DMAC1: variants seen among roughly 807,000 people sequenced by gnomAD.
DMAC1 encodes distal membrane-arm assembly complex protein 1.
A neutral mutation model predicts 7.0 loss-of-function variants in DMAC1; 10 were observed. The ratio of observed to expected loss-of-function variants is 1.43; its 90% CI spans 0.88 to 2.43. The LOEUF is 2.43. Among genes scored for constraint, DMAC1 ranks in the 30% most tolerant of loss-of-function variants. The probability of loss-of-function intolerance (pLI) is 0.00; values close to 1 mark genes in which losing one functional copy is unlikely to be tolerated. For missense variants in DMAC1, 219 were observed against 158.7 expected (o/e 1.38, Z -2.04); for synonymous variants, 92 against 66.2 (o/e 1.39, Z -1.90).
intron 1 of DMAC1, among the ~76,000 whole-genome samples, chr9:7,798,890 AAT>A (rs1418634892): frequency 2.0e-5 from 3 of 152,192 alleles, no homozygotes; most frequent in Non-Finnish European, 2.9e-5. Flanking sequence ...ATTCACTGAC[AAT>A]CGGTTTGAAA....
Position 7,799,673 on chromosome 9 carries a change from G to A in DMAC1, c.62C>T (p.Ala21Val). Residue 21 changes from alanine to valine, a missense_variant, in exon 1 of 2, where the codon GCC becomes GTC. By Grantham distance (64) the Ala-to-Val change is moderately conservative. Coordinates refer to ENST00000358227, the MANE Select transcript of DMAC1 (RefSeq NM_033428.3). Reference protein sequence around the residue: ...SYITAPPGTAAAPAKPAPPAT... With the variant: ...SYITAPPGTAVAPAKPAPPAT... ...TGGGGGCGCAGGTTTGGCGGGCGCGGCGGCGGTACCGGGAGGCGCAGTGAT... is the reference window on the plus strand; with the variant it reads ...TGGGGGCGCAGGTTTGGCGGGCGCGACGGCGGTACCGGGAGGCGCAGTGAT... The A allele has an allele frequency of 6.8e-6, 11 of 1,606,290 alleles. No individual in the cohort carries two copies. Among genetic ancestry groups the A allele is most frequent in the South Asian group, 1.1e-5 (1 of 90,342 alleles).
In DMAC1 at chr9:7,799,677, C is replaced by T. The variant is rs376861063; in HGVS notation, c.58G>A (p.Ala20Thr). Residue 20 changes from alanine to threonine, a missense_variant, in exon 1 of 2, where the codon GCC (alanine) becomes ACC (threonine). Coordinates refer to ENST00000358227, the MANE Select transcript of DMAC1 (RefSeq NM_033428.3). ...GGCGCAGGTTTGGCGGGCGCGGCGGCGGTACCGGGAGGCGCAGTGATATAG... is the reference window on the plus strand; with the variant it reads ...GGCGCAGGTTTGGCGGGCGCGGCGGTGGTACCGGGAGGCGCAGTGATATAG... ...ESYITAPPGT[A>T]AAPAKPAPPA... 38 of 1,603,268 alleles carry T rather than the reference C, an allele frequency of 2.4e-5. No individual in the cohort carries two copies. In the African/African-American group the frequency reaches 3.9e-4, roughly 16 times the overall value.
chr9:7,799,477 C>A lies in DMAC1; in HGVS notation c.258G>T (p.Gln86His), dbSNP rs1362896765. 6.2e-7 allele frequency: 1 copy of A among 1,612,810 alleles called. No homozygotes were observed. The highest frequency in any genetic ancestry group is 8.5e-7 in the Non-Finnish European group (1 of 1,180,020). ...GATTCTCACTGAGGCCGATGACCAT[C>A]TGCGTAATGGTCCATGGACTCGGGG... ...GYPPSPWTIT[Q>H]MVIGLSIATW... The change falls in exon 1 of 2, where the codon CAG becomes CAT. Residue 86 changes from glutamine (Q) to histidine (H), a missense_variant. Transcript: ENST00000358227.
chr9:7,799,372 CCCCG>C, intron 1 of DMAC1, 85 bp downstream of exon 1: 1 of 1,372,872 alleles, frequency 7.3e-7, no homozygotes, highest in Admixed American at 2.4e-5. Flanking sequence ...CACCCCGCCT[CCCCG>C]CCTCCCCGCC....
Position 7,798,504 on chromosome 9 carries a change from A to T in DMAC1, c.*69T>A, listed in dbSNP as rs549583249. ...AGTGTCTGTCCAGAACACCCATTAAATTCCATGCCTGCTGTGTGTGTCACG... is the reference window on the plus strand; with the variant it reads ...AGTGTCTGTCCAGAACACCCATTAATTTCCATGCCTGCTGTGTGTGTCACG... On this transcript the variant is annotated 3_prime_UTR_variant, in exon 2 of 2. Coordinates refer to ENST00000358227, the MANE Select transcript of DMAC1 (RefSeq NM_033428.3). The T allele has an allele frequency of 1.9e-4, 295 of 1,552,814 alleles. 6 individuals are homozygous for T. The South Asian group carries it at 3.0e-3, about 16-fold the overall frequency.
rs1324329013 is a variant in DMAC1 at position 7,799,592 on chromosome 9, C to T, written c.143G>A (p.Trp48Ter). ...PAEHRLLKTC[W>*]SCRVLSGLGL... is the part of the protein sequence containing the mutation. ...CAACCCAGAAAGCACGCGACAGCTC[C>T]AGCAGGTCTTCAACAGGCGGTGTTC... Residue 48 changes from tryptophan to a stop codon, truncating the protein, a stop_gained, in exon 1 of 2, where the codon TGG becomes TAG. Coordinates refer to ENST00000358227, the MANE Select transcript of DMAC1 (RefSeq NM_033428.3). LOFTEE classifies it high-confidence loss of function. 2 of 1,613,722 alleles carry T rather than the reference C, an allele frequency of 1.2e-6. No individual in the cohort carries two copies. The highest frequency in any genetic ancestry group is 1.7e-6 in the Non-Finnish European group (2 of 1,180,010).
Position 7,798,634 on chromosome 9 carries a change from ATGCCT to A in DMAC1, c.275-2_277del. ...CATGACAACGATACCCCAGGTGGCA[ATGCCT>A]AGAAAAAAAACAACAATACCTTACC... On this transcript the variant is annotated splice_acceptor_variant and coding_sequence_variant, in exon 2 of 2. Transcript: ENST00000358227. LOFTEE classifies it high-confidence loss of function. 4 of 1,565,966 alleles carry A rather than the reference ATGCCT, an allele frequency of 2.6e-6. No individual in the cohort carries two copies. The highest frequency in any genetic ancestry group is 1.8e-5 in the Admixed American group (1 of 54,228).
Position 7,799,585 on chromosome 9 carries a change from A to G in DMAC1, c.150T>C (p.Cys50=). 1 of 1,613,834 alleles carries G rather than the reference A, an allele frequency of 6.2e-7. No individual in the cohort carries two copies. The highest frequency in any genetic ancestry group is 8.5e-7 in the Non-Finnish European group (1 of 1,180,000). The stretch of plus-strand genomic sequence containing the variant: ...TCAGCCCCAACCCAGAAAGCACGCG[A>G]CAGCTCCAGCAGGTCTTCAACAGGC... ...EHRLLKTCWS[C]RVLSGLGLMG... The change falls in exon 1 of 2, where the codon TGT becomes TGC. Residue 50 remains cysteine (C), a synonymous_variant. Transcript: ENST00000358227.
chr9:7,799,263 G>GAAATACTAACTTAAAATTAAAA (rs1818687169), intron 1 of DMAC1, among the ~76,000 whole-genome samples, 198 bp downstream of exon 1: 1 of 149,958 alleles, frequency 6.7e-6, no homozygotes, highest in South Asian at 2.1e-4. Flanking sequence ...GGGTTCTCAA[G>GAAATACTAACTTAAAATTAAAA]AAATACTAAC....
Position 7,799,721 on chromosome 9 carries a change from A to T in DMAC1, c.14T>A (p.Leu5Ter). Reference sequence around the variant, plus strand: ...GATATAGGACTCAAAAGGCTGGGACAACCGAGACCCCATGCTCTGGAACTC... The same window carrying T: ...GATATAGGACTCAAAAGGCTGGGACTACCGAGACCCCATGCTCTGGAACTC... MGSR[L>*]SQPFESYITA... The change falls in exon 1 of 2, where the codon TTG becomes TAG. Residue 5 changes from leucine to a stop codon, truncating the protein, a stop_gained. Coordinates refer to ENST00000358227, the MANE Select transcript of DMAC1 (RefSeq NM_033428.3). LOFTEE classifies it high-confidence loss of function. The T allele has an allele frequency of 6.5e-7, 1 of 1,540,750 alleles. No individual in the cohort carries two copies. The highest frequency in any genetic ancestry group is 1.2e-5 in the South Asian group (1 of 82,830).
chr9:7,799,340 C>T (rs1192112096), intron 1 of DMAC1, 121 bp downstream of exon 1: 4 of 1,359,254 alleles, frequency 2.9e-6, no homozygotes, highest in Non-Finnish European at 3.0e-6. Context: ...TTGAGGTGCC[C>T]CCACCACCTG....
intron 1 of DMAC1, 82 bp from the exon 2 acceptor site, chr9:7,798,719 C>A: frequency 8.6e-7 from 1 of 1,169,304 alleles, no homozygotes; most frequent in Non-Finnish European, 1.2e-6. Flanking sequence ...TCTTATTTAA[C>A]CCTCACAACA....
rs771317634 is a variant in DMAC1 at position 7,798,445 on chromosome 9, T to C, written c.*128A>G. 1.6e-5 allele frequency: 17 copies of C among 1,038,636 alleles called. No homozygotes were observed. The East Asian group carries it at 3.3e-4, about 20-fold the overall frequency. The allele number at this position is 1,038,636 out of a possible 1,614,324, so 64.3% of individuals were successfully genotyped here. A position where few individuals can be genotyped will look rare whatever the true frequency, so the allele number is the denominator to read the frequency against. ...ACATACGATTTTCTTCTCAGTCTTG[T>C]AGTATCCACAGTAGTGATGTCTGTC... On this transcript the variant is annotated 3_prime_UTR_variant, in exon 2 of 2. Transcript: ENST00000358227.
Position 7,798,434 on chromosome 9 carries a change from TC to T in DMAC1, c.*138del. On this transcript the variant is annotated 3_prime_UTR_variant, in exon 2 of 2. Transcript: ENST00000358227. The stretch of plus-strand genomic sequence containing the variant: ...AGAGAATGACAACATACGATTTTCT[TC>T]TCAGTCTTGTAGTATCCACAGTAGT... 1.0e-6 allele frequency: 1 copy of T among 954,174 alleles called. No individual in the cohort carries two copies. The highest frequency in any genetic ancestry group is 1.7e-6 in the Non-Finnish European group (1 of 592,082). 59.1% of individuals were successfully genotyped at this position (954,174 alleles called of 1,614,324 possible). A position where few individuals can be genotyped will look rare whatever the true frequency, so the allele number is the denominator to read the frequency against.
In DMAC1 at chr9:7,799,492, T is replaced by C. The variant is rs757827071; in HGVS notation, c.243A>G (p.Pro81=). The C allele has an allele frequency of 1.2e-6, 2 of 1,613,152 alleles. No homozygotes were observed. The highest frequency in any genetic ancestry group is 8.5e-7 in the Non-Finnish European group (1 of 1,180,010). ...CGATGACCATCTGCGTAATGGTCCA[T>C]GGACTCGGGGGGTATCCCATCTTCA... ...KPMKMGYPPS[P]WTITQMVIGL... is the part of the protein sequence containing the mutation. Residue 81 remains proline, a synonymous_variant, in exon 1 of 2, where the codon CCA becomes CCG. Transcript: ENST00000358227.
rs1374777968 is a variant in DMAC1, at chr9:7,799,628, G to A, written c.107C>T (p.Thr36Ile). ...PAPPATPGAPTSPAEHRLLKT... is the reference protein window; with the variant it reads ...PAPPATPGAPISPAEHRLLKT... ...CAACAGGCGGTGTTCTGCTGGGGAGGTCGGCGCTCCGGGTGTAGCTGGGGG... is the reference window on the plus strand; with the variant it reads ...CAACAGGCGGTGTTCTGCTGGGGAGATCGGCGCTCCGGGTGTAGCTGGGGG... Residue 36 changes from threonine to isoleucine, a missense_variant, in exon 1 of 2, where the codon ACC (threonine) becomes ATC (isoleucine). Thr to Ile is a moderately conservative substitution (Grantham distance 89). Transcript: ENST00000358227. 3 of 1,613,034 alleles carry A rather than the reference G, an allele frequency of 1.9e-6. No homozygotes were observed. The highest frequency in any genetic ancestry group is 1.3e-5 in the African/African-American group (1 of 74,884).
rs1263137096 is a variant in DMAC1, at chr9:7,799,671, C to T, written c.64G>A (p.Ala22Thr). ...YITAPPGTAAAPAKPAPPATP... is the reference protein window; with the variant it reads ...YITAPPGTAATPAKPAPPATP... ...GCTGGGGGCGCAGGTTTGGCGGGCG[C>T]GGCGGCGGTACCGGGAGGCGCAGTG... The change falls in exon 1 of 2, where the codon GCG becomes ACG. Residue 22 changes from alanine (A) to threonine (T), a missense_variant. Ala to Thr is a moderately conservative substitution (Grantham distance 58, BLOSUM62 0). Coordinates refer to ENST00000358227, the MANE Select transcript of DMAC1 (RefSeq NM_033428.3). 7 of 1,605,980 alleles carry T rather than the reference C, an allele frequency of 4.4e-6. No individual in the cohort carries two copies. The highest frequency in any genetic ancestry group is 1.3e-5 in the African/African-American group (1 of 74,812).
rs1189258547 is a variant in DMAC1, at chr9:7,798,088, A to C, written c.*485T>G. 1.3e-5 allele frequency: 2 copies of C among 152,742 alleles called. No individual in the cohort carries two copies. The highest frequency in any genetic ancestry group is 1.3e-4 in the Admixed American group (2 of 15,346). 9.5% of individuals were successfully genotyped at this position (152,742 alleles called of 1,614,324 possible). On this transcript the variant is annotated 3_prime_UTR_variant, in exon 2 of 2. Transcript: ENST00000358227. Reference sequence around the variant, plus strand: ...GGTTAGGTTAACAGTTGTTGATCCAATTATGAAAGAAATAAAAAGAACTCT... The same window carrying C: ...GGTTAGGTTAACAGTTGTTGATCCACTTATGAAAGAAATAAAAAGAACTCT...
rs753088927 is a variant in DMAC1 at position 7,799,727 on chromosome 9, G to C, written c.8C>G (p.Ser3Cys). Residue 3 changes from serine to cysteine, a missense_variant, in exon 1 of 2, where the codon TCT becomes TGT. By Grantham distance (112) the Ser-to-Cys change is moderately radical (BLOSUM62 -1). Transcript: ENST00000358227. MG[S>C]RLSQPFESYI... ...GGACTCAAAAGGCTGGGACAACCGA[G>C]ACCCCATGCTCTGGAACTCGGCCTC... is the stretch of plus-strand genomic sequence containing the variant. 6.5e-7 allele frequency: 1 copy of C among 1,535,638 alleles called. No homozygotes were observed. The highest frequency in any genetic ancestry group is 8.7e-7 in the Non-Finnish European group (1 of 1,145,342).
Sources: allele counts gnomAD v4.1 joint callset (sites outside exome capture counted in the v4.1 genomes callset), GRCh38; gene constraint gnomAD v4.1.1; transcripts MANE v1.5; gene names NCBI Gene and HGNC (gene_info 2026-07-23, HGNC 2026-07-21).